Variants in PCDHA7 observed in about 807,000 individuals in gnomAD.
PCDHA7 encodes protocadherin alpha-7.
PCDHA7 carries 37 observed loss-of-function variants against 57.2 expected under a neutral mutation model. The ratio of observed to expected loss-of-function variants is 0.65; its 90% CI spans 0.50 to 0.85. PCDHA7 has a LOEUF of 0.85. Among genes scored for constraint, PCDHA7 ranks in the 40% least tolerant of loss-of-function variants. The probability of loss-of-function intolerance (pLI) is 0.00; values close to 1 mark genes in which losing one functional copy is unlikely to be tolerated. For synonymous variants in PCDHA7, 553 were observed against 558.8 expected, an observed-to-expected ratio of 0.99 and a Z score of 0.15; for missense variants, 1,188 against 1,241.8, an observed-to-expected ratio of 0.96 and a Z score of 0.65.
At chr5:140,874,406 C>T (rs1399717105) in intron 1 of PCDHA7, among the ~76,000 whole-genome samples, 2 of 152,122 alleles carry the variant, frequency 1.3e-5, no homozygotes, top group Non-Finnish European at 2.9e-5. Flanking sequence ...ATAACAGTCA[C>T]CATTCTGATT....
chr5:140,938,268 T>C (rs2091998417), intron 1 of PCDHA7, among the ~76,000 whole-genome samples: 1 of 152,190 alleles, frequency 6.6e-6, no homozygotes, highest in Non-Finnish European at 1.5e-5. Context: ...TCTAATCACA[T>C]AGTTTTCTTG....
chr5:140,967,901 A>T, intron 1 of PCDHA7: 2 of 1,614,142 alleles, frequency 1.2e-6, no homozygotes, highest in African/African-American at 1.3e-5. Context: ...TGAGAATGCT[A>T]CACCCAACAC....
At chr5:140,901,580 C>T (rs2068755035) in intron 1 of PCDHA7, among the ~76,000 whole-genome samples, 3 of 152,008 alleles carry the variant, frequency 2.0e-5, no homozygotes, top group Admixed American at 6.6e-5. Context: ...TATGCCAGTG[C>T]CATGATGTTT....
At chr5:140,985,020 C>G (rs1361661147) in intron 3 of PCDHA7, among the ~76,000 whole-genome samples, 1 of 152,110 alleles carries the variant, frequency 6.6e-6, no homozygotes, top group Non-Finnish European at 1.5e-5. Flanking sequence ...TCACAGCAAC[C>G]TCTGCCTCCT....
chr5:140,870,224 C>T, intron 1 of PCDHA7: 1 of 1,614,184 alleles, frequency 6.2e-7, no homozygotes, highest in Admixed American at 1.7e-5. Flanking sequence ...ATCAGCGTGT[C>T]TGACCGTGAC....
At chr5:140,837,754 G>A (rs2150279444) in intron 1 of PCDHA7, among the ~76,000 whole-genome samples, 1 of 151,678 alleles carries the variant, frequency 6.6e-6, no homozygotes, top group Middle Eastern at 3.4e-3. Context: ...ATAGCCCACT[G>A]CAACCTGAAA....
chr5:140,926,852 T>C, intron 1 of PCDHA7: 2 of 1,517,714 alleles, frequency 1.3e-6, no homozygotes, highest in Non-Finnish European at 1.8e-6. Flanking sequence ...GGGTCACCGT[T>C]GGTGTAGCGT....
intron 1 of PCDHA7, among the ~76,000 whole-genome samples, chr5:140,840,971 G>A (rs1237845348): frequency 6.6e-6 from 1 of 152,000 alleles, no homozygotes; most frequent in African/African-American, 2.4e-5. Flanking sequence ...TCCTTATGAA[G>A]AAGAAATCCC....
chr5:140,970,400 C>T (rs1586425210), intron 1 of PCDHA7, among the ~76,000 whole-genome samples: 1 of 152,162 alleles, frequency 6.6e-6, no homozygotes, highest in Non-Finnish European at 1.5e-5. Context: ...AAGTGGATGG[C>T]TTACCCTACA....
intron 1 of PCDHA7, chr5:140,854,017 C>T (rs2042943793): frequency 5.7e-6 from 2 of 349,696 alleles, no homozygotes; most frequent in South Asian, 2.3e-4. Flanking sequence ...AAAAAATTAG[C>T]CGGGCATGGT....
At chr5:140,929,122 G>A (rs782041922) in intron 1 of PCDHA7, 24 of 1,614,096 alleles carry the variant, frequency 1.5e-5, no homozygotes, top group Non-Finnish European at 1.8e-5. Flanking sequence ...CACCATAGAT[G>A]TCACTACAGT....
At chr5:140,941,214 C>CCTTCCTTTCTTTCTTTCTTT (rs1554214040) in intron 1 of PCDHA7, among the ~76,000 whole-genome samples, 29 of 122,492 alleles carry the variant, frequency 2.4e-4, no homozygotes, top group South Asian at 5.9e-4. Flanking sequence ...TTTCTTTCTT[C>CCTTCCTTTCTTTCTTTCTTT]CTTTCTTTCT....
chr5:140,907,525 G>A (rs1016477325), intron 1 of PCDHA7, among the ~76,000 whole-genome samples: 3 of 152,196 alleles, frequency 2.0e-5, no homozygotes, highest in African/African-American at 4.8e-5. Flanking sequence ...AGGACAAATC[G>A]CTGCCCTTTC....
At chr5:140,868,966 A>G (rs2050768695) in intron 1 of PCDHA7, 1 of 1,433,890 alleles carries the variant, frequency 7.0e-7, no homozygotes, top group Non-Finnish European at 9.3e-7. Flanking sequence ...CATACAAAGG[A>G]ACTCCATCAT....
In PCDHA7 at chr5:140,978,964, C is replaced by A; in HGVS notation, c.2371C>A (p.Pro791Thr). The A allele has an allele frequency of 6.2e-7, 1 of 1,614,122 alleles. No individual in the cohort carries two copies. The highest frequency in any genetic ancestry group is 1.3e-5 in the African/African-American group (1 of 75,040). ...GATTTTGCAGCCACGACAGCCCAAC[C>A]CTGACTGGCGTTACTCTGCCTCCCT... The part of the protein sequence containing the change: ...SSTDNPRQPN[P>T]DWRYSASLRA... Residue 791 changes from proline (P) to threonine (T), a missense_variant, in exon 2 of 4, where the codon CCT becomes ACT. Around this residue, in one of 3 missense-constraint regions of PCDHA7, gnomAD observed 892 missense variants for 788.5 expected, o/e 1.13. Transcript: ENST00000525929.
intron 1 of PCDHA7, among the ~76,000 whole-genome samples, chr5:140,941,034 G>A (rs1384147296): frequency 6.6e-6 from 1 of 151,968 alleles, no homozygotes; most frequent in Non-Finnish European, 1.5e-5. Context: ...GGCCTTTTTG[G>A]TGCCAAGTCA....
rs1340028669 is a variant in PCDHA7 at position 140,846,205 on chromosome 5, T to A, written c.2355+9467T>A. ...GTTTGAGTTCTTTGTATGTATGAGA[T>A]CTTTCCATTAATAGTATTTTTCTTA... On this transcript the variant is annotated intron_variant, in intron 1 of 3. Transcript: ENST00000525929. Among the ~76,000 whole-genome samples, 4 of 149,544 alleles carry A rather than the reference T, an allele frequency of 2.7e-5. 1 individual carries two copies. The highest frequency in any genetic ancestry group is 6.0e-5 in the Non-Finnish European group (4 of 66,902).
intron 1 of PCDHA7, among the ~76,000 whole-genome samples, chr5:140,924,229 T>G (rs543275737): frequency 6.6e-6 from 1 of 152,258 alleles, no homozygotes; most frequent in Non-Finnish European, 1.5e-5. Flanking sequence ...TCAATTTTTA[T>G]GGGCTGTTTT....
chr5:140,835,489 T>A lies in PCDHA7; in HGVS notation c.1106T>A (p.Ile369Asn). 2 of 1,613,950 alleles carry A rather than the reference T, an allele frequency of 1.2e-6. No individual in the cohort carries two copies. Among genetic ancestry groups the A allele is most frequent in the Non-Finnish European group, 1.7e-6 (2 of 1,179,882 alleles). ...GAGGACGCCCAACCAGGTACCGTCA[T>A]CACATTGATTAGCGTGTTTGACCGA... Reference protein sequence around the residue: ...IPEDAQPGTVITLISVFDRDF... With the variant: ...IPEDAQPGTVNTLISVFDRDF... Residue 369 changes from isoleucine (I) to asparagine (N), a missense_variant, in exon 1 of 4, where the codon ATC becomes AAC. Coordinates refer to ENST00000525929, the MANE Select transcript of PCDHA7 (RefSeq NM_018910.3).
Sources: allele counts gnomAD v4.1 joint callset (sites outside exome capture counted in the v4.1 genomes callset), GRCh38; gene constraint gnomAD v4.1.1; regional missense constraint gnomAD v4.1.1; transcripts MANE v1.5; gene names NCBI Gene and HGNC (gene_info 2026-07-23, HGNC 2026-07-21).